The following KCNC1 variants were observed in gnomAD, a reference collection of about 807,000 sequenced individuals.
KCNC1 encodes potassium voltage-gated channel subfamily C member 1.
In KCNC1, 8 loss-of-function variants were observed where a neutral mutation model predicts 43.4. The ratio of observed to expected loss-of-function variants is 0.18; its 90% CI spans 0.11 to 0.33. The LOEUF (loss-of-function observed/expected upper bound fraction) is 0.33. Among genes scored for constraint, KCNC1 ranks in the 10% least tolerant of loss-of-function variants. The probability of loss-of-function intolerance (pLI) is 1.00; values close to 1 mark genes in which losing one functional copy is unlikely to be tolerated. For synonymous variants in KCNC1, 361 were observed against 360.5 expected (o/e 1.00, Z -0.01); for missense variants, 420 against 836.0 (o/e 0.50, Z 6.14).
chr11:17,772,790 G>C lies in KCNC1; in HGVS notation c.1504+192G>C, dbSNP rs1737770645. The C allele has an allele frequency of 3.4e-6, 5 of 1,467,116 alleles. No homozygotes were observed. The African/African-American group carries it at 7.1e-5, about 21-fold the overall frequency. The allele number at this position is 1,467,116 out of a possible 1,614,324, so 90.9% of individuals were successfully genotyped here. On this transcript the variant is annotated intron_variant, in intron 2 of 3. Coordinates refer to ENST00000265969, the MANE Select transcript of KCNC1 (RefSeq NM_001112741.2). ...AAATTCAGCAGGCAAGAGCCTGCTA[G>C]AGGAACCTCACTGGTGCCCCTGGGT...
At chr11:17,741,092 A>G (rs796074291) in intron 1 of KCNC1, among the ~76,000 whole-genome samples, 8 of 151,948 alleles carry the variant, frequency 5.3e-5, no homozygotes, top group South Asian at 4.1e-4. Context: ...ACCCATGAAC[A>G]GTGGAGAAGG....
In KCNC1 at chr11:17,781,384, C is replaced by T. The variant is rs776739025; in HGVS notation, c.1694-286C>T. On this transcript the variant is annotated intron_variant, in intron 3 of 3. Coordinates refer to ENST00000265969, the MANE Select transcript of KCNC1 (RefSeq NM_001112741.2). This position sits in a 1 kb window ranked among gnomAD's most constrained non-coding sequence, Gnocchi z 5.1. Reference sequence around the variant, plus strand: ...GCTCTCATGGAGCCACGACAGCCGCCGAGGACTTGTTTTTCTCAGGCTAAT... The same window carrying T: ...GCTCTCATGGAGCCACGACAGCCGCTGAGGACTTGTTTTTCTCAGGCTAAT... 16 of 398,034 alleles carry T rather than the reference C, an allele frequency of 4.0e-5. No homozygotes were observed. The highest frequency in any genetic ancestry group is 6.3e-5 in the Non-Finnish European group (14 of 221,986). 24.7% of individuals were successfully genotyped at this position (398,034 alleles called of 1,614,324 possible). A position where few individuals can be genotyped will look rare whatever the true frequency, so the allele number is the denominator to read the frequency against.
At chr11:17,754,854 C>G (rs191957478) in intron 1 of KCNC1, among the ~76,000 whole-genome samples, 41 of 152,344 alleles carry the variant, frequency 2.7e-4, no homozygotes, top group Non-Finnish European at 8.8e-5. Context: ...GATTTCAAAT[C>G]CTGCTGCCAC....
At chr11:17,745,706 G>A (rs1343511267) in intron 1 of KCNC1, among the ~76,000 whole-genome samples, 1 of 151,878 alleles carries the variant, frequency 6.6e-6, no homozygotes, top group East Asian at 1.9e-4. Context: ...CCTCCCCAGC[G>A]CTGCCCATGC....
chr11:17,775,830 G>A lies in KCNC1; in HGVS notation c.1504+3232G>A, dbSNP rs943383444. On this transcript the variant is annotated intron_variant, in intron 2 of 3. Transcript: ENST00000265969. The stretch of plus-strand genomic sequence containing the variant: ...CCCATGGCACCTAGAACAGCAGTGA[G>A]GTCTCAGAGAAGCCCCCGCCTGGGC... 4.1e-6 allele frequency: 4 copies of A among 985,512 alleles called. No individual in the cohort carries two copies. The African/African-American group carries it at 7.0e-5, about 17-fold the overall frequency. 61.0% of individuals were successfully genotyped at this position (985,512 alleles called of 1,614,324 possible). A position where few individuals can be genotyped will look rare whatever the true frequency, so the allele number is the denominator to read the frequency against.
intron 1 of KCNC1, among the ~76,000 whole-genome samples, chr11:17,767,042 G>C (rs528753640): frequency 4.0e-5 from 6 of 151,666 alleles, no homozygotes; most frequent in Admixed American, 3.9e-4. Flanking sequence ...CTGAGGCAGA[G>C]AATCGCTTGA....
Position 17,779,778 on chromosome 11 carries a change from TC to T in KCNC1, c.1693+137del. 1.4e-6 allele frequency: 1 copy of T among 715,002 alleles called. No homozygotes were observed. Among genetic ancestry groups the T allele is most frequent in the Non-Finnish European group, 2.1e-6 (1 of 475,174 alleles). The allele number at this position is 715,002 out of a possible 1,614,324, so 44.3% of individuals were successfully genotyped here. A position where few individuals can be genotyped will look rare whatever the true frequency, so the allele number is the denominator to read the frequency against. On this transcript the variant is annotated intron_variant, in intron 3 of 3. Coordinates refer to ENST00000265969, the MANE Select transcript of KCNC1 (RefSeq NM_001112741.2). The surrounding 1 kb of genome is among the most constrained non-coding windows in gnomAD (Gnocchi z 7.2). ...GAGGGGGGCAAGGATGGAGGGAATC[TC>T]CCAGGGTCGGCCCCTGGAGGGCTGA...
At chr11:17,770,657 A>G (rs1489921711) in intron 1 of KCNC1, among the ~76,000 whole-genome samples, 1 of 152,168 alleles carries the variant, frequency 6.6e-6, no homozygotes, top group African/African-American at 2.4e-5. Context: ...AGGGTCTCCC[A>G]AACCTTTTTG....
intron 1 of KCNC1, among the ~76,000 whole-genome samples, chr11:17,767,519 CT>C (rs1849168071): frequency 2.6e-5 from 4 of 152,288 alleles, no homozygotes; most frequent in African/African-American, 9.6e-5. Flanking sequence ...CCAGCCAGCC[CT>C]GGAGAATGGA....
At chr11:17,775,250 G>T in intron 2 of KCNC1, 1 of 985,596 alleles carries the variant, frequency 1.0e-6, no homozygotes, top group Non-Finnish European at 1.2e-6. Flanking sequence ...AGAGTTAGGG[G>T]CTGTGTGTGG....
chr11:17,744,012 G>A (rs914501059), intron 1 of KCNC1, among the ~76,000 whole-genome samples: 5 of 152,142 alleles, frequency 3.3e-5, no homozygotes, highest in African/African-American at 1.2e-4. Flanking sequence ...CAGGATTAGA[G>A]ACCAGCCCCG....
chr11:17,760,263 T>C (rs796191798), intron 1 of KCNC1, among the ~76,000 whole-genome samples: 2 of 152,254 alleles, frequency 1.3e-5, no homozygotes, highest in African/African-American at 4.8e-5. Context: ...AGAGAAAATG[T>C]GAAGGGTTTT....
At chr11:17,774,220 G>A (rs36088025) in intron 2 of KCNC1, 1 of 985,348 alleles carries the variant, frequency 1.0e-6, no homozygotes, top group Non-Finnish European at 1.2e-6. Flanking sequence ...CTTTGGATTA[G>A]CTAGTTACTT....
At position 17,736,624 on chromosome 11, in the gene KCNC1, T is replaced by C; in HGVS notation, c.570+52T>C. 6.9e-7 allele frequency: 1 copy of C among 1,449,412 alleles called. No homozygotes were observed. The highest frequency in any genetic ancestry group is 1.5e-5 in the South Asian group (1 of 68,896). 89.8% of individuals were successfully genotyped at this position (1,449,412 alleles called of 1,614,324 possible). On this transcript the variant is annotated intron_variant, in intron 1 of 3. Transcript: ENST00000265969. The surrounding 1 kb of genome is among the most constrained non-coding windows in gnomAD (Gnocchi z 9.3). ...AGCGGGGCGGGAAGGCAGCGTCCTG[T>C]GCCTCCCCGCGGGCAGGGGTGGACC... is the stretch of plus-strand genomic sequence containing the variant.
At chr11:17,772,962 C>T (rs1401399546) in intron 2 of KCNC1, 17 of 1,134,774 alleles carry the variant, frequency 1.5e-5, no homozygotes, top group African/African-American at 6.4e-5. Context: ...GCTACTGACC[C>T]GGTGTTGGGA....
chr11:17,774,806 G>A, intron 2 of KCNC1: 1 of 985,418 alleles, frequency 1.0e-6, no homozygotes, highest in Non-Finnish European at 1.2e-6. Context: ...CACCAACTGT[G>A]CTCCCAAGCC....
chr11:17,770,254 A>G (rs1849209250), intron 1 of KCNC1, among the ~76,000 whole-genome samples: 1 of 152,270 alleles, frequency 6.6e-6, no homozygotes, highest in Non-Finnish European at 1.5e-5. Flanking sequence ...AGGGCAGGTC[A>G]GAGAACAAAG....
At position 17,777,038 on chromosome 11, in the gene KCNC1, A is replaced by AG; in HGVS notation, c.1505-2416dup. On this transcript the variant is annotated intron_variant, in intron 2 of 3. Coordinates refer to ENST00000265969, the MANE Select transcript of KCNC1 (RefSeq NM_001112741.2). This position sits in a 1 kb window ranked among gnomAD's most constrained non-coding sequence, Gnocchi z 4.3. ...GAATCCCCCAGGAGGGAAAGGTGCC[A>AG]GGCTATCATCCCTCCAGGGATCCCT... The AG allele has an allele frequency of 1.0e-6, 1 of 985,298 alleles. No homozygotes were observed. The highest frequency in any genetic ancestry group is 1.2e-6 in the Non-Finnish European group (1 of 829,930). The allele number at this position is 985,298 out of a possible 1,614,324, so 61.0% of individuals were successfully genotyped here.
rs369880311 is a variant in KCNC1, at chr11:17,770,470, T to TA, written c.571-1194dup. Among the ~76,000 whole-genome samples, 36 of 152,266 alleles carry TA rather than the reference T, an allele frequency of 2.4e-4. No homozygotes were observed. The East Asian group carries it at 6.4e-3, about 27-fold the overall frequency. On this transcript the variant is annotated intron_variant, in intron 1 of 3. Coordinates refer to ENST00000265969, the MANE Select transcript of KCNC1 (RefSeq NM_001112741.2). Reference sequence around the variant, plus strand: ...AGGGCCAAGGGAGGCCACAGTGTGTTAGAGTCCCGGCGGGGCTGGCAGGAG... The same window carrying TA: ...AGGGCCAAGGGAGGCCACAGTGTGTTAAGAGTCCCGGCGGGGCTGGCAGGAG...
Sources: allele counts gnomAD v4.1 joint callset (sites outside exome capture counted in the v4.1 genomes callset), GRCh38; gene constraint gnomAD v4.1.1; non-coding constraint Gnocchi (gnomAD v3.1); transcripts MANE v1.5; gene names NCBI Gene and HGNC (gene_info 2026-07-23, HGNC 2026-07-21).